The following ENTPD1 variants were observed in gnomAD, a reference collection of about 807,000 sequenced individuals.
ENTPD1 encodes ATP diphosphohydrolase.
In ENTPD1, 33 loss-of-function variants were observed where a neutral mutation model predicts 57.0. That is an observed-to-expected ratio of 0.58 (90% CI 0.44 to 0.77). The LOEUF (loss-of-function observed/expected upper bound fraction) is 0.77, where lower values mean the gene tolerates loss of function less well. Among genes scored for constraint, ENTPD1 ranks in the 30% least tolerant of loss-of-function variants. The probability of loss-of-function intolerance (pLI) is 0.00; values close to 1 mark genes in which losing one functional copy is unlikely to be tolerated. For missense variants in ENTPD1, 501 were observed against 603.4 expected (o/e 0.83, Z 1.78); for synonymous variants, 202 against 218.8 (o/e 0.92, Z 0.68).
chr10:95,865,183 G>C (rs1430137099), intron 9 of ENTPD1, among the ~76,000 whole-genome samples: 2 of 152,218 alleles, frequency 1.3e-5, no homozygotes, highest in Non-Finnish European at 2.9e-5. Context: ...GACTCTGTGT[G>C]CTGACTTCAG....
At chr10:95,767,889 C>T (rs774573010) in intron 1 of ENTPD1, among the ~76,000 whole-genome samples, 5 of 152,166 alleles carry the variant, frequency 3.3e-5, no homozygotes, top group Non-Finnish European at 5.9e-5. Context: ...GAGGCAAGAC[C>T]TACTGGAGGT....
At chr10:95,811,780 T>G (rs1174653341) in intron 1 of ENTPD1, among the ~76,000 whole-genome samples, 1 of 152,242 alleles carries the variant, frequency 6.6e-6, no homozygotes, top group Non-Finnish European at 1.5e-5. Context: ...CATAGAATTA[T>G]GTATTATGAA....
intron 1 of ENTPD1, among the ~76,000 whole-genome samples, chr10:95,781,907 A>G (rs552761673): frequency 6.6e-5 from 10 of 152,358 alleles, no homozygotes; most frequent in Non-Finnish European, 1.5e-4. Flanking sequence ...TAGGTGAGAC[A>G]GAGCCTCAGG....
At chr10:95,735,025 ATTTT>A (rs376795429) in intron 1 of ENTPD1, among the ~76,000 whole-genome samples, 5 of 126,750 alleles carry the variant, frequency 3.9e-5, no homozygotes, top group African/African-American at 2.9e-5. Context: ...ATGAAAATAG[ATTTT>A]TTTTTTTTTT....
At chr10:95,736,314 A>G (rs1383623328) in intron 1 of ENTPD1, among the ~76,000 whole-genome samples, 1 of 152,104 alleles carries the variant, frequency 6.6e-6, no homozygotes, top group Non-Finnish European at 1.5e-5. Flanking sequence ...AAAATTTTCA[A>G]AGTTTTGAGC....
intron 1 of ENTPD1, among the ~76,000 whole-genome samples, chr10:95,734,959 A>G (rs1046452502): frequency 4.0e-5 from 6 of 151,422 alleles, no homozygotes; most frequent in Non-Finnish European, 8.8e-5. Flanking sequence ...TTGGGTGGGT[A>G]GGGTTACAGG....
At chr10:95,766,515 G>C (rs754977754) in intron 1 of ENTPD1, among the ~76,000 whole-genome samples, 148 of 152,130 alleles carry the variant, frequency 9.7e-4, no homozygotes, top group Non-Finnish European at 2.0e-3. Context: ...ACAATTGTCT[G>C]TTGTCTATTT....
chr10:95,798,476 T>A (rs752479558), intron 1 of ENTPD1, among the ~76,000 whole-genome samples: 6 of 152,102 alleles, frequency 3.9e-5, no homozygotes, highest in Admixed American at 6.6e-5. Context: ...GAAGAGAGGA[T>A]GTGGCTTCAC....
Position 95,798,019 on chromosome 10 carries a change from A to G in ENTPD1, c.17-25218A>G, listed in dbSNP as rs565965588. Among the ~76,000 whole-genome samples, 24 of 152,332 alleles carry G rather than the reference A, an allele frequency of 1.6e-4. 1 individual carries two copies. The South Asian group carries it at 4.3e-3, about 28-fold the overall frequency. On this transcript the variant is annotated intron_variant, in intron 1 of 9. Coordinates refer to ENST00000371205, the MANE Select transcript of ENTPD1 (RefSeq NM_001776.6). ...TAAAATGAGATGAACCAACATCCCA[A>G]GATGGAACGCTGTGGATCATTCATA...
chr10:95,861,330 A>G (rs557081044), intron 8 of ENTPD1: 8 of 152,450 alleles, frequency 5.2e-5, no homozygotes, highest in African/African-American at 1.9e-4. Flanking sequence ...TTCAACATCC[A>G]GTGCCACAAG....
At chr10:95,844,663 T>TGGCTCTCTGGAGGC (rs1257136258) in intron 5 of ENTPD1, 28 bp downstream of exon 5, 1 of 1,613,620 alleles carries the variant, frequency 6.2e-7, no homozygotes, top group Non-Finnish European at 8.5e-7. Flanking sequence ...TCCATGGAGG[T>TGGCTCTCTGGAGGC]GGCTCTCTGG....
intron 1 of ENTPD1, among the ~76,000 whole-genome samples, chr10:95,740,754 C>T (rs369352132): frequency 1.1e-4 from 17 of 152,364 alleles, no homozygotes; most frequent in African/African-American, 4.1e-4. Context: ...TCTCCATCAG[C>T]ACTTGCTGCT....
chr10:95,756,589 C>A, intron 1 of ENTPD1: 1 of 326,054 alleles, frequency 3.1e-6, no homozygotes, highest in Non-Finnish European at 5.7e-6. Flanking sequence ...CATCTGCAGT[C>A]CGGACTCATC....
chr10:95,770,260 T>A (rs867777737), intron 1 of ENTPD1, among the ~76,000 whole-genome samples: 1 of 144,238 alleles, frequency 6.9e-6, no homozygotes, highest in Non-Finnish European at 1.6e-5. Context: ...TGAGTGAGTG[T>A]GTGTGTGTGT....
intron 1 of ENTPD1, among the ~76,000 whole-genome samples, chr10:95,723,853 T>G (rs569429535): frequency 2.6e-4 from 40 of 152,052 alleles, no homozygotes; most frequent in African/African-American, 9.6e-4. Flanking sequence ...CCACAAGGAT[T>G]GGGGGTTGTT....
intron 1 of ENTPD1, among the ~76,000 whole-genome samples, chr10:95,738,103 T>A (rs2097996548): frequency 6.6e-6 from 1 of 152,164 alleles, no homozygotes; most frequent in Admixed American, 6.5e-5. Flanking sequence ...TCTGGAAAAG[T>A]CCCTGGCATA....
intron 3 of ENTPD1, 109 bp downstream of exon 3, chr10:95,839,917 A>G: frequency 9.4e-7 from 1 of 1,061,140 alleles, no homozygotes; most frequent in Non-Finnish European, 1.5e-6. Flanking sequence ...ATAGGAAGCC[A>G]AGTGAAGAAA....
chr10:95,717,739 A>G (rs894877417), intron 1 of ENTPD1, among the ~76,000 whole-genome samples: 9 of 152,150 alleles, frequency 5.9e-5, no homozygotes, highest in African/African-American at 2.2e-4. Context: ...TTGGCCGACA[A>G]CCGCTCTTAA....
upstream of ENTPD1, among the ~76,000 whole-genome samples, chr10:95,706,987 C>G (rs2097962817): frequency 6.6e-6 from 1 of 152,200 alleles, no homozygotes; most frequent in African/African-American, 2.4e-5. Context: ...CCTAAGCCTG[C>G]AGGGACTGAG....
Sources: allele counts gnomAD v4.1 joint callset (sites outside exome capture counted in the v4.1 genomes callset), GRCh38; gene constraint gnomAD v4.1.1; transcripts MANE v1.5; gene names NCBI Gene and HGNC (gene_info 2026-07-23, HGNC 2026-07-21).